LRRFIP2: variants seen among roughly 807,000 people sequenced by gnomAD.
LRRFIP2 encodes the protein leucine-rich repeat flightless-interacting protein 2.
In LRRFIP2, 109 loss-of-function variants were observed where a neutral mutation model predicts 125.9. The observed-to-expected ratio is 0.87, with a 90% CI of 0.74 to 1.01. The LOEUF (loss-of-function observed/expected upper bound fraction) is 1.01, where lower values mean the gene tolerates loss of function less well. Ranked by LOEUF, LRRFIP2 falls within the 50% of genes least tolerant of loss-of-function variation. LRRFIP2 has a pLI of 0.00. For synonymous variants in LRRFIP2, 291 were observed against 293.1 expected (o/e 0.99, Z 0.07); for missense variants, 850 against 862.3 (o/e 0.99, Z 0.18).
chr3:37,143,648 A>G, intron 2 of LRRFIP2: 1 of 189,126 alleles, frequency 5.3e-6, no homozygotes, highest in Non-Finnish European at 1.1e-5. Flanking sequence ...AACATCCTTT[A>G]ATGATCTCGT....
At chr3:37,175,668 TACACCGTCCTGAC>T (rs1204605487), upstream of LRRFIP2, 1 of 152,330 alleles carries the variant, frequency 6.6e-6, no homozygotes, top group African/African-American at 2.4e-5. Flanking sequence ...TGCTACGCCC[TACACCGTCCTGAC>T]ACCGTTCCCT....
intron 2 of LRRFIP2, among the ~76,000 whole-genome samples, chr3:37,148,078 A>T (rs2095904178): frequency 1.3e-5 from 2 of 152,230 alleles, no homozygotes; most frequent in Admixed American, 1.3e-4. Flanking sequence ...CGTCTGAAGC[A>T]TATTAACTGC....
chr3:37,136,565 G>A (rs947216353), intron 2 of LRRFIP2, among the ~76,000 whole-genome samples: 3 of 151,812 alleles, frequency 2.0e-5, no homozygotes, highest in African/African-American at 7.3e-5. Flanking sequence ...GGGATAAAGG[G>A]GAGCTTATAA....
chr3:37,150,227 C>T (rs1005733204), intron 1 of LRRFIP2, among the ~76,000 whole-genome samples: 23 of 152,200 alleles, frequency 1.5e-4, no homozygotes, highest in Admixed American at 1.1e-3. Context: ...CTTTGGAAGG[C>T]CAAAGCAGGT....
chr3:37,091,755 T>C (rs1239036187), intron 17 of LRRFIP2, among the ~76,000 whole-genome samples: 2 of 152,202 alleles, frequency 1.3e-5, no homozygotes, highest in Non-Finnish European at 2.9e-5. Context: ...ATCAATCTAA[T>C]GTTAAATATT....
At position 37,110,974 on chromosome 3, in the gene LRRFIP2, A is replaced by T; in HGVS notation, c.513+17T>A. The T allele has an allele frequency of 6.2e-7, 1 of 1,611,528 alleles. No homozygotes were observed. The highest frequency in any genetic ancestry group is 8.5e-7 in the Non-Finnish European group (1 of 1,178,920). On this transcript the variant is annotated intron_variant, in intron 9 of 27. Transcript: ENST00000336686. ...AAAGTGAATCAAACACATAAAGCCAAAAAAGTTTAGACAAACCCGAGTGTA... is the reference window on the plus strand; with the variant it reads ...AAAGTGAATCAAACACATAAAGCCATAAAAGTTTAGACAAACCCGAGTGTA...
At chr3:37,164,699 T>C (rs2096432319) in intron 1 of LRRFIP2, among the ~76,000 whole-genome samples, 1 of 149,310 alleles carries the variant, frequency 6.7e-6, no homozygotes, top group Non-Finnish European at 1.5e-5. Flanking sequence ...CCAGCCTGGA[T>C]GACAGAAAAA....
At chr3:37,072,678 T>G (rs2091435109) in intron 21 of LRRFIP2, 112 bp downstream of exon 21, 3 of 581,602 alleles carry the variant, frequency 5.2e-6, no homozygotes, top group Non-Finnish European at 9.0e-6. Flanking sequence ...TTTTTCATAC[T>G]GTGTAAATGC....
At chr3:37,094,670 T>G in intron 17 of LRRFIP2, 122 bp downstream of exon 17, 1 of 654,678 alleles carries the variant, frequency 1.5e-6, no homozygotes. Context: ...TGTACAGTAC[T>G]TATTTTTTAA....
chr3:37,161,190 A>C (rs997699737), intron 1 of LRRFIP2, among the ~76,000 whole-genome samples: 9 of 151,218 alleles, frequency 6.0e-5, no homozygotes, highest in African/African-American at 2.2e-4. Flanking sequence ...AAAAAAAAAA[A>C]AAAAAAAAAG....
Position 37,103,098 on chromosome 3 carries a change from G to T in LRRFIP2, c.784-85C>A. The stretch of plus-strand genomic sequence containing the variant: ...AAGAACATTGGCCAATTAGGGAAAA[G>T]TTTTTTAAAATTTTGATGGGTGATA... On this transcript the variant is annotated intron_variant, in intron 14 of 27. Transcript: ENST00000336686. 3.9e-6 allele frequency: 4 copies of T among 1,023,796 alleles called. No individual in the cohort carries two copies. The South Asian group carries it at 4.9e-5, about 12-fold the overall frequency. 63.4% of individuals were successfully genotyped at this position (1,023,796 alleles called of 1,614,324 possible). A position where few individuals can be genotyped will look rare whatever the true frequency, so the allele number is the denominator to read the frequency against.
intron 15 of LRRFIP2, among the ~76,000 whole-genome samples, chr3:37,100,089 G>C (rs2093938974): frequency 6.6e-6 from 1 of 152,054 alleles, no homozygotes; most frequent in South Asian, 2.1e-4. Context: ...AATACTACTA[G>C]AGAAAGTTAT....
intron 3 of LRRFIP2, among the ~76,000 whole-genome samples, chr3:37,128,042 T>C (rs1386596965): frequency 6.6e-6 from 1 of 152,158 alleles, no homozygotes; most frequent in Non-Finnish European, 1.5e-5. Flanking sequence ...CACTTCAGCT[T>C]ATCCACTTAT....
chr3:37,168,104 T>C (rs889413013), intron 1 of LRRFIP2, among the ~76,000 whole-genome samples: 2 of 152,232 alleles, frequency 1.3e-5, no homozygotes, highest in African/African-American at 4.8e-5. Context: ...GAAAATAGTA[T>C]GGTGGTTTCT....
chr3:37,136,413 T>A (rs1163165504), intron 2 of LRRFIP2, among the ~76,000 whole-genome samples: 2 of 152,216 alleles, frequency 1.3e-5, no homozygotes, highest in Admixed American at 1.3e-4. Flanking sequence ...TATTTTTAAA[T>A]GGTGAATAGT....
intron 1 of LRRFIP2, chr3:37,174,334 A>G (rs867566858): frequency 5.9e-5 from 9 of 152,242 alleles, no homozygotes; most frequent in African/African-American, 2.2e-4. Context: ...AGCAAATTAC[A>G]TTTCAGCAAT....
chr3:37,112,346 AAAAAAAAGAAAAG>A (rs2094580916), intron 8 of LRRFIP2, among the ~76,000 whole-genome samples: 1 of 151,836 alleles, frequency 6.6e-6, no homozygotes, highest in Admixed American at 6.6e-5. Context: ...AAAAAAGAAA[AAAAAAAAGAAAAG>A]AAAAAAAGAA....
chr3:37,174,892 G>C (rs2096636233), upstream of LRRFIP2: 1 of 152,152 alleles, frequency 6.6e-6, no homozygotes, highest in South Asian at 2.1e-4. Context: ...CCTTCGAAAT[G>C]AATCACACTT....
Position 37,055,106 on chromosome 3 carries a change from T to C in LRRFIP2, c.1930A>G (p.Ile644Val), listed in dbSNP as rs1051838376. Residue 644 changes from isoleucine (I) to valine (V), a missense_variant, in exon 26 of 28, where the codon ATA (isoleucine) becomes GTA (valine). Transcript: ENST00000336686. ...CTTACACTTTGCTCCAAGGTAGTTA[T>C]ATCCTGTTCTGCTTTTGAAAGCTTA... ...KFKLSKAEQD[I>V]TTLEQSISRL... The C allele has an allele frequency of 1.2e-5, 19 of 1,595,536 alleles. No homozygotes were observed. Among genetic ancestry groups the C allele is most frequent in the African/African-American group, 2.7e-5 (2 of 73,622 alleles).
Sources: gnomAD v4.1 joint callset for allele counts (sites outside exome capture counted in the v4.1 genomes callset) on GRCh38, gnomAD v4.1.1 for gene constraint, MANE v1.5 for transcripts, NCBI Gene and HGNC (gene_info 2026-07-23, HGNC 2026-07-21) for gene names.